Variants in PTPRZ1 observed in about 807,000 individuals in gnomAD.
The protein encoded by PTPRZ1 is receptor-type tyrosine-protein phosphatase zeta.
PTPRZ1 carries 82 observed loss-of-function variants against 214.1 expected under a neutral mutation model. The ratio of observed to expected loss-of-function variants is 0.38; its 90% CI spans 0.32 to 0.46. The LOEUF (loss-of-function observed/expected upper bound fraction) is 0.46, where lower values mean the gene tolerates loss of function less well. Ranked by LOEUF, PTPRZ1 falls within the 20% of genes least tolerant of loss-of-function variation. The probability of loss-of-function intolerance (pLI) is 1.00; values close to 1 mark genes in which losing one functional copy is unlikely to be tolerated. For missense variants in PTPRZ1, 2,603 were observed against 2,748.7 expected (o/e 0.95, Z 1.19); for synonymous variants, 945 against 987.9 (o/e 0.96, Z 0.81).
intron 2 of PTPRZ1, among the ~76,000 whole-genome samples, chr7:121,941,776 C>T (rs188370489): frequency 3.4e-4 from 51 of 152,156 alleles, no homozygotes; most frequent in Admixed American, 2.8e-3. Flanking sequence ...CTTCACTGTA[C>T]CAGGTGAACT....
At chr7:121,962,806 C>T (rs999512835) in intron 2 of PTPRZ1, among the ~76,000 whole-genome samples, 8 of 151,886 alleles carry the variant, frequency 5.3e-5, no homozygotes, top group Admixed American at 1.3e-4. Context: ...CCTCGTGATC[C>T]GCCCACCTCG....
rs573611515 is a variant in PTPRZ1, at chr7:121,988,187, A to C, written c.928+4070A>C. The stretch of plus-strand genomic sequence containing the variant: ...TAAAAGTTGAAGTAAAAATAAATAA[A>C]TACATAAATATTTTTTAAAAGGGGC... On this transcript the variant is annotated intron_variant, in intron 8 of 29. Coordinates refer to ENST00000393386, the MANE Select transcript of PTPRZ1 (RefSeq NM_002851.3). 1.5e-4 allele frequency among the ~76,000 whole-genome samples: 23 copies of C among 152,332 alleles called. No individual in the cohort carries two copies. In the South Asian group the frequency reaches 4.6e-3, roughly 30 times the overall value.
At chr7:121,902,036 G>A (rs1400610236) in intron 1 of PTPRZ1, among the ~76,000 whole-genome samples, 2 of 152,096 alleles carry the variant, frequency 1.3e-5, no homozygotes, top group African/African-American at 4.8e-5. Context: ...CCAGCAGGTA[G>A]TCACTCTTCT....
At chr7:121,987,143 C>G (rs187946820) in intron 8 of PTPRZ1, among the ~76,000 whole-genome samples, 2 of 152,246 alleles carry the variant, frequency 1.3e-5, no homozygotes, top group Admixed American at 1.3e-4. Flanking sequence ...AGTTTTTATT[C>G]TAAAATTATG....
intron 1 of PTPRZ1, among the ~76,000 whole-genome samples, chr7:121,874,493 G>T (rs1192951148): frequency 6.6e-6 from 1 of 152,052 alleles, no homozygotes; most frequent in Admixed American, 6.5e-5. Flanking sequence ...GTTGTACTTC[G>T]CTTTGTGAGT....
chr7:122,002,540 A>G (rs1214243539), intron 10 of PTPRZ1, among the ~76,000 whole-genome samples: 1 of 152,224 alleles, frequency 6.6e-6, no homozygotes, highest in African/African-American at 2.4e-5. Context: ...CCCTATAGTT[A>G]GTTGATGCTC....
intron 27 of PTPRZ1, 100 bp downstream of exon 27, chr7:122,055,187 T>TA (rs1792311303): frequency 1.9e-6 from 2 of 1,031,268 alleles, no homozygotes; most frequent in Non-Finnish European, 2.6e-6. Context: ...ATGATTCTGA[T>TA]TTTTTCCCCA....
At chr7:122,019,294 A>T (rs1798944733) in intron 13 of PTPRZ1, 26 bp downstream of exon 13, 1 of 1,588,750 alleles carries the variant, frequency 6.3e-7, no homozygotes, top group East Asian at 2.3e-5. Flanking sequence ...GTTTTGGAAA[A>T]TTTAATTCAT....
intron 4 of PTPRZ1, among the ~76,000 whole-genome samples, chr7:121,975,607 A>G (rs1357476401): frequency 6.6e-6 from 1 of 152,200 alleles, no homozygotes; most frequent in Admixed American, 6.5e-5. Flanking sequence ...GAGACACCTG[A>G]TTTCCAAACC....
In PTPRZ1 at chr7:122,042,725, T is replaced by C; in HGVS notation, c.5919T>C (p.Asn1973=). 6.2e-7 allele frequency: 1 copy of C among 1,612,298 alleles called. No homozygotes were observed. Among genetic ancestry groups the C allele is most frequent in the Non-Finnish European group, 8.5e-7 (1 of 1,178,506 alleles). Residue 1973 remains asparagine, a synonymous_variant, in exon 22 of 30, where the codon AAT becomes AAC. Transcript: ENST00000393386. ...TAAAACACATCCGTTCACAAAGAAA[T>C]TATTTGGTACAAACTGAGGTATGAT... ...GFLKHIRSQR[N]YLVQTEEQYV...
intron 10 of PTPRZ1, among the ~76,000 whole-genome samples, chr7:122,000,973 C>T (rs1226116938): frequency 1.3e-5 from 2 of 151,810 alleles, no homozygotes; most frequent in Non-Finnish European, 2.9e-5. Context: ...CGTGAGCCAC[C>T]GCACCTGGCC....
At chr7:122,040,780 G>C in intron 20 of PTPRZ1, 36 bp from the exon 21 acceptor site, 1 of 1,120,824 alleles carries the variant, frequency 8.9e-7, no homozygotes, top group Admixed American at 2.3e-5. Flanking sequence ...GTGTGTGTGT[G>C]TGTTTGACTG....
rs139382928 is a variant in PTPRZ1, at chr7:121,898,569, A to G, written c.58+25012A>G. Among the ~76,000 whole-genome samples, 173 of 152,286 alleles carry G rather than the reference A, an allele frequency of 1.1e-3. 2 individuals carry two copies. In the East Asian group the frequency reaches 0.03, roughly 26 times the overall value. On this transcript the variant is annotated intron_variant, in intron 1 of 29. Transcript: ENST00000393386. The stretch of plus-strand genomic sequence containing the variant: ...TATACTGTTTTTCTTCCCTGCCAGA[A>G]TAATGCCAACTTCATGTATGTTGTC...
At chr7:121,926,451 G>C (rs1795766864) in intron 1 of PTPRZ1, among the ~76,000 whole-genome samples, 1 of 152,128 alleles carries the variant, frequency 6.6e-6, no homozygotes, top group Non-Finnish European at 1.5e-5. Context: ...CCATATGATA[G>C]AATATTCTTG....
At chr7:122,005,276 G>A (rs554099530) in intron 11 of PTPRZ1, among the ~76,000 whole-genome samples, 1 of 151,946 alleles carries the variant, frequency 6.6e-6, no homozygotes, top group South Asian at 2.1e-4. Context: ...TAAATAGAGA[G>A]AAAATGATTG....
chr7:121,934,054 T>C (rs1339688765), intron 2 of PTPRZ1, among the ~76,000 whole-genome samples: 2 of 152,168 alleles, frequency 1.3e-5, no homozygotes, highest in Non-Finnish European at 1.5e-5. Flanking sequence ...TGATATATAC[T>C]CTACCCTGTT....
chr7:121,970,049 G>T (rs1348410755), intron 3 of PTPRZ1, among the ~76,000 whole-genome samples: 1 of 149,786 alleles, frequency 6.7e-6, no homozygotes, highest in Non-Finnish European at 1.5e-5. Flanking sequence ...AGAACATGCG[G>T]TGTTTGGTTT....
At chr7:122,056,572 A>G (rs1347516200) in intron 27 of PTPRZ1, among the ~76,000 whole-genome samples, 2 of 151,894 alleles carry the variant, frequency 1.3e-5, no homozygotes, top group South Asian at 2.1e-4. Flanking sequence ...ACTGAGCTCA[A>G]AAGCTAGGGG....
intron 1 of PTPRZ1, chr7:121,908,504 T>C: frequency 2.7e-6 from 1 of 365,020 alleles, no homozygotes; most frequent in Non-Finnish European, 5.3e-6. Context: ...AGATTTGTTT[T>C]TTACCTAGCC....
Sources: gnomAD v4.1 joint callset for allele counts (sites outside exome capture counted in the v4.1 genomes callset) on GRCh38, gnomAD v4.1.1 for gene constraint, MANE v1.5 for transcripts, NCBI Gene and HGNC (gene_info 2026-07-23, HGNC 2026-07-21) for gene names.